Variants in LAMA2 observed in about 807,000 individuals in gnomAD.
The protein encoded by LAMA2 is laminin subunit alpha-2.
LAMA2 carries 269 observed loss-of-function variants against 364.8 expected under a neutral mutation model. The ratio of observed to expected loss-of-function variants is 0.74; its 90% CI spans 0.67 to 0.82. The LOEUF (loss-of-function observed/expected upper bound fraction) is 0.82, where lower values mean the gene tolerates loss of function less well. Ranked by LOEUF, LAMA2 falls within the 40% of genes least tolerant of loss-of-function variation. LAMA2 has a pLI of 0.00. For missense variants in LAMA2, 3,807 were observed against 3,873.2 expected (o/e 0.98, Z 0.45); for synonymous variants, 1,379 against 1,370.6 (o/e 1.01, Z -0.14).
rs1299023715 is a variant in LAMA2 at position 129,059,776 on chromosome 6, C to A, written c.284-8C>A. On this transcript the variant is annotated splice_region_variant and splice_polypyrimidine_tract_variant and intron_variant, in intron 2 of 64. Transcript: ENST00000421865. The stretch of plus-strand genomic sequence containing the variant: ...TCTTCCTTTCATATGATGCTGCTAA[C>A]TCAATAGAGAGACACCCGATTACAA... 3 of 1,524,248 alleles carry A rather than the reference C, an allele frequency of 2.0e-6. No individual in the cohort carries two copies. The highest frequency in any genetic ancestry group is 2.7e-6 in the Non-Finnish European group (3 of 1,098,318). The allele number at this position is 1,524,248 out of a possible 1,614,324, so 94.4% of individuals were successfully genotyped here. A position where few individuals can be genotyped will look rare whatever the true frequency, so the allele number is the denominator to read the frequency against.
chr6:129,410,718 A>AT (rs939968374), intron 40 of LAMA2, among the ~76,000 whole-genome samples: 6 of 31,002 alleles, frequency 1.9e-4, no homozygotes, highest in Admixed American at 6.5e-4. Context: ...GACAGATTAG[A>AT]TAGATAGATA....
intron 12 of LAMA2, among the ~76,000 whole-genome samples, chr6:129,196,049 A>G (rs1781826750): frequency 6.6e-6 from 1 of 152,274 alleles, no homozygotes; most frequent in South Asian, 2.1e-4. Context: ...CTCTCTGAAT[A>G]TTATTAAATT....
intron 51 of LAMA2, among the ~76,000 whole-genome samples, chr6:129,471,431 A>G (rs779366785): frequency 6.6e-6 from 1 of 151,890 alleles, no homozygotes; most frequent in South Asian, 2.1e-4. Flanking sequence ...CTAAAAATGC[A>G]TATATTCATT....
chr6:128,914,001 G>T (rs1778146631), intron 1 of LAMA2, among the ~76,000 whole-genome samples: 1 of 152,028 alleles, frequency 6.6e-6, no homozygotes, highest in Non-Finnish European at 1.5e-5. Context: ...AAATAAAAAG[G>T]ATTGTAGAGA....
chr6:129,511,094 C>A (rs879417428), intron 62 of LAMA2, among the ~76,000 whole-genome samples: 1 of 152,126 alleles, frequency 6.6e-6, no homozygotes, highest in African/African-American at 2.4e-5. Flanking sequence ...AAATTACTCA[C>A]TTCCTCTGTT....
At chr6:128,965,441 A>G (rs548642861) in intron 1 of LAMA2, among the ~76,000 whole-genome samples, 8 of 152,200 alleles carry the variant, frequency 5.3e-5, no homozygotes, top group African/African-American at 1.9e-4. Context: ...TTGCCTTAGG[A>G]TATGAATCAG....
intron 1 of LAMA2, among the ~76,000 whole-genome samples, chr6:129,006,604 G>T (rs759161821): frequency 6.6e-6 from 1 of 152,078 alleles, no homozygotes; most frequent in Non-Finnish European, 1.5e-5. Context: ...CCTTCATTCA[G>T]AATCTAAATA....
rs376529091 is a variant in LAMA2 at position 129,312,917 on chromosome 6, C to G, written c.3231C>G (p.Gly1077=). 19 of 1,614,028 alleles carry G rather than the reference C, an allele frequency of 1.2e-5. No individual in the cohort carries two copies. Among genetic ancestry groups the G allele is most frequent in the Non-Finnish European group, 1.6e-5 (19 of 1,180,016 alleles). ...ATTTCCAATGCAATGTAAATACAGG[C>G]CAATGCAACTGTCATCCAAAATTCT... is the stretch of plus-strand genomic sequence containing the variant. The part of the protein sequence containing the change: ...SLDFQCNVNT[G]QCNCHPKFSG... The change falls in exon 23 of 65, where the codon GGC becomes GGG. Residue 1077 remains glycine, a synonymous_variant. Coordinates refer to ENST00000421865, the MANE Select transcript of LAMA2 (RefSeq NM_000426.4).
At chr6:129,430,259 A>G (rs967044676) in intron 41 of LAMA2, among the ~76,000 whole-genome samples, 6 of 152,168 alleles carry the variant, frequency 3.9e-5, no homozygotes, top group African/African-American at 1.2e-4. Context: ...TTCTCTCTCT[A>G]TGGTGCCTGG....
At chr6:128,949,517 AG>A (rs1242919202) in intron 1 of LAMA2, among the ~76,000 whole-genome samples, 1 of 152,182 alleles carries the variant, frequency 6.6e-6, no homozygotes, top group South Asian at 2.1e-4. Context: ...AAAGACAAGA[AG>A]GATAGGGGAA....
chr6:129,512,501 T>A lies in LAMA2; in HGVS notation c.8988+8T>A. The A allele has an allele frequency of 6.2e-7, 1 of 1,613,362 alleles. No individual in the cohort carries two copies. Among genetic ancestry groups the A allele is most frequent in the Non-Finnish European group, 8.5e-7 (1 of 1,179,360 alleles). The stretch of plus-strand genomic sequence containing the variant: ...GAAATGATTGATGAAAAGGTGAGTG[T>A]CAGCAATGCAAACATTTCTGATTTC... On this transcript the variant is annotated splice_region_variant and intron_variant, in intron 63 of 64. Transcript: ENST00000421865.
intron 32 of LAMA2, among the ~76,000 whole-genome samples, chr6:129,365,881 G>T (rs13209300): frequency 2.0e-5 from 3 of 151,776 alleles, no homozygotes; most frequent in Admixed American, 1.3e-4. Context: ...GATTTAGGGG[G>T]TACTTTTAAT....
At position 129,177,572 on chromosome 6, in the gene LAMA2, T is replaced by A. The variant is rs1780671021; in HGVS notation, c.1307-134T>A. The A allele has an allele frequency of 3.5e-5, 30 of 867,138 alleles. No individual in the cohort carries two copies. In the South Asian group the frequency reaches 4.5e-4, roughly 13 times the overall value. The allele number at this position is 867,138 out of a possible 1,614,324, so 53.7% of individuals were successfully genotyped here. A position where few individuals can be genotyped will look rare whatever the true frequency, so the allele number is the denominator to read the frequency against. On this transcript the variant is annotated intron_variant, in intron 9 of 64. Transcript: ENST00000421865. ...AACCCTCTACTCTTTGGTTTTAACTTTTCTTTATTGATATATATAAAAAAT... is the reference window on the plus strand; with the variant it reads ...AACCCTCTACTCTTTGGTTTTAACTATTCTTTATTGATATATATAAAAAAT...
chr6:129,140,980 T>A (rs529858379), intron 4 of LAMA2, among the ~76,000 whole-genome samples: 1 of 152,218 alleles, frequency 6.6e-6, no homozygotes, highest in African/African-American at 2.4e-5. Flanking sequence ...AAAAGGTCCT[T>A]TGTATGTTTA....
intron 1 of LAMA2, among the ~76,000 whole-genome samples, chr6:129,040,019 C>T (rs1386687535): frequency 6.6e-6 from 1 of 151,990 alleles, no homozygotes; most frequent in African/African-American, 2.4e-5. Context: ...GTTTGTGTGG[C>T]GGGGAGCGGT....
chr6:129,510,692 A>AT (rs1402945961), intron 62 of LAMA2, among the ~76,000 whole-genome samples: 2 of 152,082 alleles, frequency 1.3e-5, no homozygotes, highest in African/African-American at 4.8e-5. Flanking sequence ...AAAAAGATTA[A>AT]TTTTGTTTGG....
chr6:128,994,977 A>T (rs1783839314), intron 1 of LAMA2, among the ~76,000 whole-genome samples: 1 of 152,148 alleles, frequency 6.6e-6, no homozygotes. Flanking sequence ...TGACACATTT[A>T]ATTAGTTAAT....
At chr6:129,078,083 G>A (rs1773773021) in intron 3 of LAMA2, among the ~76,000 whole-genome samples, 1 of 151,888 alleles carries the variant, frequency 6.6e-6, no homozygotes, top group African/African-American at 2.4e-5. Context: ...AGTGATAATA[G>A]GGGAGGTTAT....
chr6:129,256,051 C>T (rs1417773367), intron 14 of LAMA2, among the ~76,000 whole-genome samples: 1 of 152,162 alleles, frequency 6.6e-6, no homozygotes, highest in Non-Finnish European at 1.5e-5. Context: ...AATCTCAGTT[C>T]CTCTTGTATA....
Sources: allele counts gnomAD v4.1 joint callset (sites outside exome capture counted in the v4.1 genomes callset), GRCh38; gene constraint gnomAD v4.1.1; transcripts MANE v1.5; gene names NCBI Gene and HGNC (gene_info 2026-07-23, HGNC 2026-07-21).